Variants in EP400 observed in about 807,000 individuals in gnomAD.
The protein encoded by EP400 is E1A binding protein p400, also known as E1A-binding protein p400.
Under a neutral mutation model 354.1 loss-of-function variants are expected in EP400, and 105 were observed. That is an observed-to-expected ratio of 0.30 (90% CI 0.25 to 0.35). The LOEUF is 0.35. EP400 is among the 10% of genes least tolerant of loss of function. EP400 has a pLI of 1.00. For missense variants in EP400, 3,280 were observed against 4,121.0 expected, an observed-to-expected ratio of 0.80 and a Z score of 5.59; for synonymous variants, 1,646 against 1,716.9, an observed-to-expected ratio of 0.96 and a Z score of 1.02.
intron 12 of EP400, among the ~76,000 whole-genome samples, chr12:132,003,099 T>G (rs1409971368): frequency 2.0e-5 from 3 of 150,716 alleles, no homozygotes; most frequent in Non-Finnish European, 4.4e-5. Flanking sequence ...TAATCCTGGC[T>G]GCTTGGGAGA....
At chr12:131,972,911 T>C (rs1454985214) in intron 2 of EP400, among the ~76,000 whole-genome samples, 1 of 152,058 alleles carries the variant, frequency 6.6e-6, no homozygotes, top group Non-Finnish European at 1.5e-5. Context: ...TTTGTATTTT[T>C]AGTAGAGGCG....
chr12:131,962,025 A>G (rs577221999), intron 2 of EP400, 71 bp downstream of exon 2: 3 of 1,467,524 alleles, frequency 2.0e-6, no homozygotes, highest in Non-Finnish European at 2.7e-6. Flanking sequence ...CAATGAATTA[A>G]GTAATAATTT....
intron 11 of EP400, among the ~76,000 whole-genome samples, chr12:131,992,985 A>G (rs1412296791): frequency 6.6e-6 from 1 of 152,182 alleles, no homozygotes; most frequent in Non-Finnish European, 1.5e-5. Context: ...GTTTGGCCAG[A>G]TTGTTGGCAT....
chr12:132,018,096 G>C lies in EP400; in HGVS notation c.4111-114G>C, dbSNP rs915214272. 1 of 1,330,388 alleles carries C rather than the reference G, an allele frequency of 7.5e-7. No homozygotes were observed. Among genetic ancestry groups the C allele is most frequent in the East Asian group, 2.4e-5 (1 of 42,438 alleles). 82.4% of individuals were successfully genotyped at this position (1,330,388 alleles called of 1,614,324 possible). On this transcript the variant is annotated intron_variant, in intron 20 of 52. Transcript: ENST00000389561. This position sits in a 1 kb window ranked among gnomAD's most constrained non-coding sequence, Gnocchi z 4.0. Reference sequence around the variant, plus strand: ...GGGTCTGCTTGCCGAGTGGCCGTTAGAGGGGGCGCGTCTGGATGCCCACGT... The same window carrying C: ...GGGTCTGCTTGCCGAGTGGCCGTTACAGGGGGCGCGTCTGGATGCCCACGT...
rs139559593 is a variant in EP400, at chr12:132,038,137, G to A, written c.6207+41G>A. 6.4e-4 allele frequency: 1,024 copies of A among 1,610,638 alleles called. No individual in the cohort carries two copies. The highest frequency in any genetic ancestry group is 1.2e-3 in the Middle Eastern group (7 of 6,008). The stretch of plus-strand genomic sequence containing the variant: ...ATCTGGCTGAAGAGTTGCACGGTGG[G>A]AGCCGGCGGAACACCTGCACCCTCC... On this transcript the variant is annotated intron_variant, in intron 32 of 52. Transcript: ENST00000389561. The surrounding 1 kb of genome is among the most constrained non-coding windows in gnomAD (Gnocchi z 4.2).
At chr12:132,014,888 C>G (rs1186210890) in intron 19 of EP400, among the ~76,000 whole-genome samples, 1 of 152,200 alleles carries the variant, frequency 6.6e-6, no homozygotes, top group Admixed American at 6.5e-5. Context: ...TTTGTGGAGA[C>G]TAGGGGTGAG....
At chr12:132,030,593 A>G (rs935893089) in intron 29 of EP400, among the ~76,000 whole-genome samples, 4 of 152,226 alleles carry the variant, frequency 2.6e-5, no homozygotes, top group Non-Finnish European at 5.9e-5. Context: ...AGCATAAACT[A>G]GTATAGTTCT....
At position 132,018,397 on chromosome 12, in the gene EP400, G is replaced by A. The variant is rs747948280; in HGVS notation, c.4277+21G>A. ...AGCAGGTGCGTGCGACCCAGAGGCA[G>A]CGGGGAGGGTTGGCTCCCAGGGCCC... On this transcript the variant is annotated intron_variant, in intron 21 of 52. Transcript: ENST00000389561. The surrounding 1 kb of genome is among the most constrained non-coding windows in gnomAD (Gnocchi z 4.0). 2 of 1,578,578 alleles carry A rather than the reference G, an allele frequency of 1.3e-6. No homozygotes were observed. Among genetic ancestry groups the A allele is most frequent in the African/African-American group, 1.4e-5 (1 of 72,770 alleles).
intron 51 of EP400, 103 bp downstream of exon 51, chr12:132,069,744 A>G (rs1729412933): frequency 1.3e-6 from 2 of 1,516,768 alleles, no homozygotes; most frequent in African/African-American, 1.4e-5. Context: ...TTGCGGCTGC[A>G]CTGGGTGGTG....
In EP400 at chr12:131,961,878, A is replaced by C; in HGVS notation, c.1259A>C (p.Gln420Pro). ...GCCCCATTACAAGCATATCTTAGGC[A>C]GAATGATTTGGACATTGAAGAAGAG... ...HYAPLQAYLR[Q>P]NDLDIEEEEE... is the part of the protein sequence containing the mutation. Residue 420 changes from glutamine to proline, a missense_variant, in exon 2 of 53, where the codon CAG (glutamine) becomes CCG (proline). Transcript: ENST00000389561. The C allele has an allele frequency of 6.2e-7, 1 of 1,614,214 alleles. No individual in the cohort carries two copies. Among genetic ancestry groups the C allele is most frequent in the Non-Finnish European group, 8.5e-7 (1 of 1,180,038 alleles).
chr12:131,964,498 A>G, intron 2 of EP400, among the ~76,000 whole-genome samples: 1 of 152,082 alleles, frequency 6.6e-6, no homozygotes, highest in South Asian at 2.1e-4. Flanking sequence ...CAAAAACCAA[A>G]CAAACCATCA....
chr12:132,033,056 T>G (rs1257665003), intron 30 of EP400, among the ~76,000 whole-genome samples: 2 of 152,184 alleles, frequency 1.3e-5, no homozygotes. Context: ...CAAGCGATTC[T>G]TCCGCCTCAG....
rs769198788 is a variant in EP400 at position 132,064,661 on chromosome 12, A to G, written c.8335-7A>G. On this transcript the variant is annotated splice_region_variant and splice_polypyrimidine_tract_variant and intron_variant, in intron 47 of 52. Transcript: ENST00000389561. Reference sequence around the variant, plus strand: ...GTTGAAGAGAAGATACTTTGCTTGTATTTTAGGAACACCTCATCAAAATGC... The same window carrying G: ...GTTGAAGAGAAGATACTTTGCTTGTGTTTTAGGAACACCTCATCAAAATGC... 1.9e-6 allele frequency: 3 copies of G among 1,609,464 alleles called. No homozygotes were observed. In the African/African-American group the frequency reaches 4.0e-5, roughly 22 times the overall value.
chr12:131,963,696 A>G (rs1053269724), intron 2 of EP400: 1 of 1,449,648 alleles, frequency 6.9e-7, no homozygotes, highest in African/African-American at 1.4e-5. Flanking sequence ...TCCTTCATCC[A>G]GATATTTTAA....
intron 51 of EP400, among the ~76,000 whole-genome samples, chr12:132,073,216 G>A (rs1364218184): frequency 7.3e-6 from 1 of 137,534 alleles, no homozygotes; most frequent in African/African-American, 2.7e-5. Flanking sequence ...GCCTTCTTTT[G>A]GGCCACCTTC....
At chr12:131,953,699 T>C (rs1166927889) in intron 1 of EP400, among the ~76,000 whole-genome samples, 2 of 152,234 alleles carry the variant, frequency 1.3e-5, no homozygotes. Flanking sequence ...TGTTAGCATA[T>C]AGATCTTGGG....
In EP400 at chr12:132,052,554, T is replaced by C. The variant is rs1895332803; in HGVS notation, c.7395-592T>C. The stretch of plus-strand genomic sequence containing the variant: ...GTTTTCCTCCATAGCAGCCAGTACG[T>C]CTTCAGACCCACTGCACATTTTACC... On this transcript the variant is annotated intron_variant, in intron 41 of 52. Transcript: ENST00000389561. The surrounding 1 kb of genome is among the most constrained non-coding windows in gnomAD (Gnocchi z 4.4). 6.6e-6 allele frequency among the ~76,000 whole-genome samples: 1 copy of C among 152,224 alleles called. No individual in the cohort carries two copies. Among genetic ancestry groups the C allele is most frequent in the African/African-American group, 2.4e-5 (1 of 41,464 alleles).
In EP400 at chr12:132,067,591, T is replaced by G; in HGVS notation, c.8874+105T>G. ...CAAATCCCCATGTGGCGGCTCACGC[T>G]TTTCAGAGGGTGGCTTCAAGGGCTG... On this transcript the variant is annotated intron_variant, in intron 50 of 52. Transcript: ENST00000389561. The surrounding 1 kb of genome is among the most constrained non-coding windows in gnomAD (Gnocchi z 5.3). 6.7e-7 allele frequency: 1 copy of G among 1,483,270 alleles called. No homozygotes were observed. Among genetic ancestry groups the G allele is most frequent in the Non-Finnish European group, 9.0e-7 (1 of 1,110,736 alleles). 91.9% of individuals were successfully genotyped at this position (1,483,270 alleles called of 1,614,324 possible).
At chr12:132,019,758 T>C (rs766464455) in intron 21 of EP400, among the ~76,000 whole-genome samples, 4 of 152,206 alleles carry the variant, frequency 2.6e-5, no homozygotes, top group African/African-American at 4.8e-5. Context: ...TACATTGATA[T>C]GATTGTGAAA....
Sources: gnomAD v4.1 joint callset for allele counts (sites outside exome capture counted in the v4.1 genomes callset) on GRCh38, gnomAD v4.1.1 for gene constraint, Gnocchi (gnomAD v3.1) non-coding constraint, MANE v1.5 for transcripts, NCBI Gene and HGNC (gene_info 2026-07-23, HGNC 2026-07-21) for gene names.